Variants in HERC3 observed in about 807,000 individuals in gnomAD.
HERC3 encodes HECT and RLD domain containing E3 ubiquitin protein ligase 3.
In HERC3, 58 loss-of-function variants were observed where a neutral mutation model predicts 129.9. The ratio of observed to expected loss-of-function variants is 0.45; its 90% confidence interval spans 0.36 to 0.56. HERC3 has a LOEUF of 0.56. HERC3 is among the 20% of genes least tolerant of loss of function. The probability of loss-of-function intolerance (pLI) is 0.00; values close to 1 mark genes in which losing one functional copy is unlikely to be tolerated. For missense variants in HERC3, 835 were observed against 1,244.2 expected (o/e 0.67, Z 4.95); for synonymous variants, 430 against 451.0 (o/e 0.95, Z 0.59).
the HERC3 span, among the ~76,000 whole-genome samples, chr4:88,535,283 A>C: frequency 6.6e-6 from 1 of 151,984 alleles, no homozygotes; most frequent in South Asian, 2.1e-4. Context: ...TGGGATTCCC[A>C]CTCTGCCCTG....
chr4:88,602,004 C>T (rs1408128422), intron 2 of HERC3, among the ~76,000 whole-genome samples: 3 of 84,466 alleles, frequency 3.6e-5, no homozygotes, highest in African/African-American at 2.1e-4. Flanking sequence ...TGCAGTGAGC[C>T]GAGATCCCGC....
intron 7 of HERC3, 123 bp downstream of exon 7, chr4:88,654,256 C>T (rs2149275544): frequency 1.9e-6 from 1 of 540,478 alleles, no homozygotes; most frequent in African/African-American, 1.9e-5. Context: ...TGAATGCTCT[C>T]TTTTATGTGG....
At chr4:88,598,512 C>T (rs148161577) in intron 2 of HERC3, among the ~76,000 whole-genome samples, 1,576 of 152,292 alleles carry the variant, frequency 0.01, 9 homozygotes, top group Non-Finnish European at 0.017. Context: ...ACAATCCCAT[C>T]CTCTTTTGGG....
chr4:88,648,594 T>C (rs559802332), intron 3 of HERC3, among the ~76,000 whole-genome samples: 79 of 152,204 alleles, frequency 5.2e-4, no homozygotes, highest in Admixed American at 1.3e-4. Flanking sequence ...TATAAACATG[T>C]TCTTTTCTAG....
chr4:88,704,656 TTACA>T (rs1439003759), intron 25 of HERC3, 46 bp downstream of exon 25: 1 of 1,159,096 alleles, frequency 8.6e-7, no homozygotes, highest in Non-Finnish European at 1.3e-6. Flanking sequence ...CATTTTAGTC[TTACA>T]TACAGTATAG....
chr4:88,697,093 C>T, intron 23 of HERC3: 1 of 989,986 alleles, frequency 1.0e-6, no homozygotes, highest in Non-Finnish European at 1.4e-6. Context: ...AGAATAAATT[C>T]ACATTGTATT....
At chr4:88,698,576 G>C (rs1734923856) in intron 23 of HERC3, among the ~76,000 whole-genome samples, 1 of 102,468 alleles carries the variant, frequency 9.8e-6, no homozygotes, top group Non-Finnish European at 2.1e-5. Context: ...AAAAAAGCAA[G>C]TCTTTCTAAA....
chr4:88,668,540 G>A (rs556134878), intron 14 of HERC3: 3 of 161,836 alleles, frequency 1.9e-5, no homozygotes, highest in African/African-American at 4.8e-5. Flanking sequence ...TTTTAGGACC[G>A]TTGAGTCCAC....
chr4:88,620,995 C>T (rs1725448173), intron 3 of HERC3, among the ~76,000 whole-genome samples: 1 of 152,178 alleles, frequency 6.6e-6, no homozygotes, highest in Admixed American at 6.5e-5. Flanking sequence ...TTCAGTCAGT[C>T]ACAATCAATA....
intron 7 of HERC3, among the ~76,000 whole-genome samples, chr4:88,654,345 T>G (rs1000355566): frequency 5.9e-5 from 5 of 84,654 alleles, no homozygotes; most frequent in Middle Eastern, 0.015. Context: ...TCTTGTAGAT[T>G]TTTCATATAT....
At chr4:88,698,381 C>T (rs988525200) in intron 23 of HERC3, among the ~76,000 whole-genome samples, 1 of 151,982 alleles carries the variant, frequency 6.6e-6, no homozygotes, top group Non-Finnish European at 1.5e-5. Flanking sequence ...ACCCCCTTGG[C>T]CATCCCACAC....
intron 3 of HERC3, among the ~76,000 whole-genome samples, chr4:88,631,559 C>T (rs879628620): frequency 1.3e-5 from 2 of 152,180 alleles, no homozygotes; most frequent in Non-Finnish European, 2.9e-5. Flanking sequence ...TAAAGTTGGT[C>T]AGTAATACTT....
intron 3 of HERC3, among the ~76,000 whole-genome samples, chr4:88,638,930 G>A (rs1274215248): frequency 1.3e-5 from 2 of 152,016 alleles, no homozygotes; most frequent in Admixed American, 6.6e-5. Context: ...AATCACAAGC[G>A]TTCCTATACA....
At chr4:88,657,626 A>G (rs960603825) in intron 9 of HERC3, among the ~76,000 whole-genome samples, 11 of 152,360 alleles carry the variant, frequency 7.2e-5, no homozygotes, top group African/African-American at 2.4e-4. Context: ...GTTTGCCAAA[A>G]TGATTTTATA....
the HERC3 span, among the ~76,000 whole-genome samples, chr4:88,585,518 CTTT>C: frequency 1.6e-4 from 20 of 122,772 alleles, no homozygotes; most frequent in African/African-American, 2.6e-4. Context: ...TGATACTTTG[CTTT>C]TTTTTTTTTT....
rs1469669288 is a variant in HERC3, at chr4:88,654,120, C to T, written c.764C>T (p.Ala255Val). ...ATTAGTTGTGGAGAAGAACACACAG[C>T]AGTTCTCACAAAGGTAAGGAGCTCA... is the stretch of plus-strand genomic sequence containing the variant. ...VYISCGEEHT[A>V]VLTKSGGVFT... The change falls in exon 7 of 26, where the codon GCA (alanine) becomes GTA (valine). Residue 255 changes from alanine to valine, a missense_variant. By Grantham distance (64) the Ala-to-Val change is moderately conservative. Coordinates refer to ENST00000402738, the MANE Select transcript of HERC3 (RefSeq NM_014606.3). 1 of 1,611,714 alleles carries T rather than the reference C, an allele frequency of 6.2e-7. No individual in the cohort carries two copies. The highest frequency in any genetic ancestry group is 2.2e-5 in the East Asian group (1 of 44,838).
chr4:88,593,061 G>T (rs1578125571), intron 1 of HERC3, among the ~76,000 whole-genome samples: 1 of 144,116 alleles, frequency 6.9e-6, no homozygotes, highest in East Asian at 2.0e-4. Context: ...AGCTGGCGAG[G>T]CCCTGGCATT....
intron 21 of HERC3, among the ~76,000 whole-genome samples, chr4:88,686,275 A>G (rs1402696709): frequency 6.6e-6 from 1 of 152,214 alleles, no homozygotes; most frequent in African/African-American, 2.4e-5. Flanking sequence ...TGCATTAACA[A>G]GTAAGCCACT....
intron 14 of HERC3, among the ~76,000 whole-genome samples, chr4:88,669,558 C>T (rs1210744280): frequency 1.3e-5 from 2 of 152,170 alleles, no homozygotes; most frequent in African/African-American, 2.4e-5. Flanking sequence ...GGCATCACTC[C>T]TGCCCAAAAT....
Sources: allele counts gnomAD v4.1 joint callset (sites outside exome capture counted in the v4.1 genomes callset), GRCh38; gene constraint gnomAD v4.1.1; transcripts MANE v1.5; gene names NCBI Gene and HGNC (gene_info 2026-07-23, HGNC 2026-07-21).